The following RNF144B variants were observed in gnomAD, a reference collection of about 807,000 sequenced individuals.
RNF144B encodes the protein E3 ubiquitin-protein ligase RNF144B.
Under a neutral mutation model 40.2 loss-of-function variants are expected in RNF144B, and 25 were observed. The ratio of observed to expected loss-of-function variants is 0.62; its 90% CI spans 0.45 to 0.87. The LOEUF (loss-of-function observed/expected upper bound fraction) is 0.87. RNF144B is among the 40% of genes least tolerant of loss of function. The pLI is 0.00. For missense variants in RNF144B, 365 were observed against 373.7 expected (o/e 0.98, Z 0.19); for synonymous variants, 145 against 136.3 (o/e 1.06, Z -0.44).
intron 1 of RNF144B, among the ~76,000 whole-genome samples, chr6:18,389,846 C>G (rs1794546904): frequency 6.6e-6 from 1 of 152,210 alleles, no homozygotes; most frequent in Non-Finnish European, 1.5e-5. Context: ...ACATTTCTTT[C>G]AGGGGTGCCT....
chr6:18,421,309 CACACACAT>C lies in RNF144B; in HGVS notation c.166-6270_166-6263del, dbSNP rs1427244040. The stretch of plus-strand genomic sequence containing the variant: ...ACACACACACACACACACACACACA[CACACACAT>C]ATATATAAAATAAAATTACAGACCA... On this transcript the variant is annotated intron_variant, in intron 2 of 7. Transcript: ENST00000259939. Among the ~76,000 whole-genome samples the C allele has an allele frequency of 1.5e-3, 198 of 131,182 alleles. 1 individual carries two copies. Among genetic ancestry groups the C allele is most frequent in the African/African-American group, 4.5e-3 (163 of 35,972 alleles). 86.1% of individuals were successfully genotyped at this position (131,182 alleles called of 152,430 possible). A position where few individuals can be genotyped will look rare whatever the true frequency, so the allele number is the denominator to read the frequency against.
rs914123771 is a variant in RNF144B at position 18,457,446 on chromosome 6, G to A, written c.536+87G>A. The A allele has an allele frequency of 2.7e-5, 27 of 1,018,450 alleles. No homozygotes were observed. Among genetic ancestry groups the A allele is most frequent in the Admixed American group, 1.9e-4 (11 of 57,910 alleles). 63.1% of individuals were successfully genotyped at this position (1,018,450 alleles called of 1,614,324 possible). A position where few individuals can be genotyped will look rare whatever the true frequency, so the allele number is the denominator to read the frequency against. ...TTACGTGTAGAAGGAGTTACGTTGTGATGGCGTTTAGAGATTGGTTATTTT... is the reference window on the plus strand; with the variant it reads ...TTACGTGTAGAAGGAGTTACGTTGTAATGGCGTTTAGAGATTGGTTATTTT... On this transcript the variant is annotated intron_variant, in intron 5 of 7. Coordinates refer to ENST00000259939, the MANE Select transcript of RNF144B (RefSeq NM_182757.4). The surrounding 1 kb of genome is among the most constrained non-coding windows in gnomAD (Gnocchi z 5.1).
intron 1 of RNF144B, chr6:18,396,523 C>T: frequency 2.0e-6 from 2 of 985,340 alleles, no homozygotes; most frequent in Non-Finnish European, 2.4e-6. Flanking sequence ...CAGCTTTCTC[C>T]ACATGGCTAA....
Position 18,406,641 on chromosome 6 carries a change from C to T in RNF144B, c.165+6942C>T, listed in dbSNP as rs183203491. ...AGAGCCAGTGGTATAAGTCCCAGTC[C>T]GAGGGCAGGAGAAAACTGATGTCCC... On this transcript the variant is annotated intron_variant, in intron 2 of 7. Transcript: ENST00000259939. This position sits in a 1 kb window ranked among gnomAD's most constrained non-coding sequence, Gnocchi z 4.2. Among the ~76,000 whole-genome samples, 10 of 152,094 alleles carry T rather than the reference C, an allele frequency of 6.6e-5. No homozygotes were observed. The highest frequency in any genetic ancestry group is 3.9e-4 in the East Asian group (2 of 5,166).
rs1795207546 is a variant in RNF144B, at chr6:18,419,327, G to A, written c.166-8254G>A. On this transcript the variant is annotated intron_variant, in intron 2 of 7. Transcript: ENST00000259939. The surrounding 1 kb of genome is among the most constrained non-coding windows in gnomAD (Gnocchi z 4.6). ...TTAGATCATTTTCTTCGGGGGCACT[G>A]CTCTCTGCTAGGGAACCACTGGCCT... Among the ~76,000 whole-genome samples the A allele has an allele frequency of 6.6e-6, 1 of 152,092 alleles. No homozygotes were observed. The highest frequency in any genetic ancestry group is 2.1e-4 in the South Asian group (1 of 4,824).
In RNF144B at chr6:18,395,772, T is replaced by C. The variant is rs1794683003; in HGVS notation, c.-36-3727T>C. ...GGGGACTGGCTCTGGACACCCACTA[T>C]TGGGTGCTGGCACTTGTCTACCTGA... On this transcript the variant is annotated intron_variant, in intron 1 of 7. Transcript: ENST00000259939. The surrounding 1 kb of genome is among the most constrained non-coding windows in gnomAD (Gnocchi z 4.5). 6.6e-6 allele frequency among the ~76,000 whole-genome samples: 1 copy of C among 152,150 alleles called. No homozygotes were observed. The highest frequency in any genetic ancestry group is 1.5e-5 in the Non-Finnish European group (1 of 68,030).
Position 18,411,071 on chromosome 6 carries a change from G to A in RNF144B, c.165+11372G>A, listed in dbSNP as rs1002657637. Among the ~76,000 whole-genome samples, 6 of 150,392 alleles carry A rather than the reference G, an allele frequency of 4.0e-5. No homozygotes were observed. The East Asian group carries it at 9.9e-4, about 25-fold the overall frequency. On this transcript the variant is annotated intron_variant, in intron 2 of 7. Coordinates refer to ENST00000259939, the MANE Select transcript of RNF144B (RefSeq NM_182757.4). ...GTGATCTCTGCTCACTGCAACCTCC[G>A]CCTCCCGGGTTCAAGCAGTTCTCCT...
At chr6:18,424,792 T>C (rs1466546635) in intron 2 of RNF144B, among the ~76,000 whole-genome samples, 1 of 148,830 alleles carries the variant, frequency 6.7e-6, no homozygotes, top group Non-Finnish European at 1.5e-5. Flanking sequence ...CTAAGAGCCT[T>C]GCATAGAGGC....
In RNF144B at chr6:18,412,170, C is replaced by T. The variant is rs1795061219; in HGVS notation, c.165+12471C>T. On this transcript the variant is annotated intron_variant, in intron 2 of 7. Coordinates refer to ENST00000259939, the MANE Select transcript of RNF144B (RefSeq NM_182757.4). The surrounding 1 kb of genome is among the most constrained non-coding windows in gnomAD (Gnocchi z 4.2). ...TACATTTTAAATCAGTATGTGTTAC[C>T]AAATTACTGTTCCAAACTGTTGCAC... is the stretch of plus-strand genomic sequence containing the variant. 6.6e-6 allele frequency among the ~76,000 whole-genome samples: 1 copy of T among 152,058 alleles called. No homozygotes were observed.
chr6:18,427,778 GCAA>G, intron 3 of RNF144B, 93 bp downstream of exon 3: 23 of 826,252 alleles, frequency 2.8e-5, no homozygotes, highest in Non-Finnish European at 4.1e-5. Context: ...AGGGAGTCTA[GCAA>G]GAAAATACAG....
At chr6:18,415,050 T>TA (rs1218392268) in intron 2 of RNF144B, among the ~76,000 whole-genome samples, 1 of 152,206 alleles carries the variant, frequency 6.6e-6, no homozygotes, top group Admixed American at 6.5e-5. Context: ...CCATATACTT[T>TA]AAATCATCTT....
rs1180321912 is a variant in RNF144B at position 18,422,164 on chromosome 6, G to T, written c.166-5417G>T. Among the ~76,000 whole-genome samples, 1 of 152,168 alleles carries T rather than the reference G, an allele frequency of 6.6e-6. No individual in the cohort carries two copies. The highest frequency in any genetic ancestry group is 1.5e-5 in the Non-Finnish European group (1 of 68,030). On this transcript the variant is annotated intron_variant, in intron 2 of 7. Coordinates refer to ENST00000259939, the MANE Select transcript of RNF144B (RefSeq NM_182757.4). The surrounding 1 kb of genome is among the most constrained non-coding windows in gnomAD (Gnocchi z 4.7). ...ATTTGTCTGAATATTTTCAAACCAGGATGCTTTTGGTGTGTTGGATAGGCT... is the reference window on the plus strand; with the variant it reads ...ATTTGTCTGAATATTTTCAAACCAGTATGCTTTTGGTGTGTTGGATAGGCT...
chr6:18,398,819 C>G lies in RNF144B; in HGVS notation c.-36-680C>G, dbSNP rs1794740101. On this transcript the variant is annotated intron_variant, in intron 1 of 7. Coordinates refer to ENST00000259939, the MANE Select transcript of RNF144B (RefSeq NM_182757.4). The surrounding 1 kb of genome is among the most constrained non-coding windows in gnomAD (Gnocchi z 5.0). The stretch of plus-strand genomic sequence containing the variant: ...GCTTTCAGTTCTTTTGGGTATATAC[C>G]CGATTGCTGGATCATATGTTACCTC... Among the ~76,000 whole-genome samples, 1 of 152,042 alleles carries G rather than the reference C, an allele frequency of 6.6e-6. No homozygotes were observed. Among genetic ancestry groups the G allele is most frequent in the East Asian group, 1.9e-4 (1 of 5,194 alleles).
chr6:18,393,614 T>C (rs774119654), intron 1 of RNF144B, among the ~76,000 whole-genome samples: 1 of 152,226 alleles, frequency 6.6e-6, no homozygotes, highest in African/African-American at 2.4e-5. Flanking sequence ...TCAGATTGCA[T>C]TGAGTGGAAA....
chr6:18,433,574 G>A (rs145316416), intron 3 of RNF144B, among the ~76,000 whole-genome samples: 142 of 152,208 alleles, frequency 9.3e-4, no homozygotes, highest in African/African-American at 3.3e-3. Context: ...GAGAAAAGAC[G>A]GGATGATATA....
intron 2 of RNF144B, among the ~76,000 whole-genome samples, chr6:18,411,672 T>G (rs561860957): frequency 7.8e-4 from 118 of 151,048 alleles, no homozygotes; most frequent in African/African-American, 2.8e-3. Flanking sequence ...CCCAACTAAT[T>G]TTTGTATTTT....
intron 2 of RNF144B, among the ~76,000 whole-genome samples, chr6:18,409,693 C>G (rs1794996135): frequency 6.6e-6 from 1 of 151,380 alleles, no homozygotes; most frequent in South Asian, 2.1e-4. Context: ...GCCTCAGCCT[C>G]CTGAGTAGCT....
At chr6:18,417,004 C>G (rs1313335391) in intron 2 of RNF144B, among the ~76,000 whole-genome samples, 1 of 151,942 alleles carries the variant, frequency 6.6e-6, no homozygotes, top group Non-Finnish European at 1.5e-5. Flanking sequence ...GAAAATAATT[C>G]CATTTACAAT....
intron 1 of RNF144B, among the ~76,000 whole-genome samples, chr6:18,390,067 C>T (rs989033954): frequency 2.0e-5 from 3 of 152,180 alleles, no homozygotes; most frequent in African/African-American, 4.8e-5. Context: ...GATGTGGTCT[C>T]TGTCCGGAAG....
Sources: allele counts gnomAD v4.1 joint callset (sites outside exome capture counted in the v4.1 genomes callset), GRCh38; gene constraint gnomAD v4.1.1; non-coding constraint Gnocchi (gnomAD v3.1); transcripts MANE v1.5; gene names NCBI Gene and HGNC (gene_info 2026-07-23, HGNC 2026-07-21).